PTGES3L: variants seen among roughly 807,000 people sequenced by gnomAD.
PTGES3L encodes the protein prostaglandin E synthase 3 like.
A neutral mutation model predicts 25.0 loss-of-function variants in PTGES3L; 17 were observed. The ratio of observed to expected loss-of-function variants is 0.68; its 90% CI spans 0.47 to 1.02. The LOEUF is 1.02. PTGES3L is among the 50% of genes least tolerant of loss of function. The pLI, the probability that PTGES3L is intolerant of heterozygous loss-of-function variation, is 0.00. For missense variants in PTGES3L, 202 were observed against 197.5 expected, an observed-to-expected ratio of 1.02 and a Z score of -0.14; for synonymous variants, 59 against 65.7, an observed-to-expected ratio of 0.90 and a Z score of 0.50.
chr17:42,971,709 G>A lies in PTGES3L; in HGVS notation c.289-13C>T. On this transcript the variant is annotated splice_polypyrimidine_tract_variant and intron_variant, in intron 4 of 6. Coordinates refer to ENST00000591916, the MANE Select transcript of PTGES3L (RefSeq NM_001261430.2). Reference sequence around the variant, plus strand: ...ACAGCCACACTGGCTGCAAGAAGAGGCACCAAGAGTCACAGGCCAGGAGGG... The same window carrying A: ...ACAGCCACACTGGCTGCAAGAAGAGACACCAAGAGTCACAGGCCAGGAGGG... 6.2e-7 allele frequency: 1 copy of A among 1,613,802 alleles called. No homozygotes were observed. The highest frequency in any genetic ancestry group is 2.2e-5 in the East Asian group (1 of 44,860).
Position 42,969,204 on chromosome 17 carries a change from A to AAG in PTGES3L, c.433-19_433-18insCT. The AAG allele has an allele frequency of 7.4e-7, 1 of 1,358,980 alleles. No individual in the cohort carries two copies. The highest frequency in any genetic ancestry group is 1.3e-5 in the South Asian group (1 of 79,012). The allele number at this position is 1,358,980 out of a possible 1,614,324, so 84.2% of individuals were successfully genotyped here. On this transcript the variant is annotated intron_variant, in intron 6 of 6. Transcript: ENST00000591916. ...GAATCATCCTGGGGGCGGGGGGGAA[A>AAG]AAAGACAAAGCACCTGTAGACCCTG...
intron 4 of PTGES3L, among the ~76,000 whole-genome samples, chr17:42,972,929 C>T (rs2049874412): frequency 6.7e-6 from 1 of 149,188 alleles, no homozygotes; most frequent in Admixed American, 6.7e-5. Context: ...GCGTCTCTGC[C>T]CGGCCACCCA....
chr17:42,976,953 A>C (rs2049965148), intron 4 of PTGES3L, among the ~76,000 whole-genome samples: 1 of 152,200 alleles, frequency 6.6e-6, no homozygotes, highest in Admixed American at 6.6e-5. Context: ...ATTAATATTT[A>C]AGAGGTCAGT....
intron 5 of PTGES3L, among the ~76,000 whole-genome samples, chr17:42,970,673 C>T (rs1419767766): frequency 3.5e-5 from 3 of 85,456 alleles, no homozygotes; most frequent in South Asian, 3.8e-4. Flanking sequence ...TGGCTTAACA[C>T]GCGCACACAC....
In PTGES3L at chr17:42,969,194, C is replaced by CT; in HGVS notation, c.433-9_433-8insA. 8.2e-6 allele frequency: 1 copy of CT among 122,548 alleles called. No individual in the cohort carries two copies. The highest frequency in any genetic ancestry group is 1.1e-5 in the Non-Finnish European group (1 of 90,278). 7.6% of individuals were successfully genotyped at this position (122,548 alleles called of 1,614,324 possible). ...AGCACTGTCAGAATCATCCTGGGGG[C>CT]GGGGGGGAAAAAAGACAAAGCACCT... On this transcript the variant is annotated splice_polypyrimidine_tract_variant and intron_variant, in intron 6 of 6. Transcript: ENST00000591916.
At chr17:42,971,726 C>G in intron 4 of PTGES3L, 30 bp from the exon 5 acceptor site, 1 of 1,612,520 alleles carries the variant, frequency 6.2e-7, no homozygotes, top group South Asian at 1.1e-5. Flanking sequence ...GAGTCACAGG[C>G]CAGGAGGGCA....
chr17:42,975,135 CA>C (rs11398866), intron 4 of PTGES3L, among the ~76,000 whole-genome samples: 7 of 97,048 alleles, frequency 7.2e-5, no homozygotes, highest in African/African-American at 8.2e-5. Context: ...CATCCTGTCT[CA>C]AAAAAAAAAA....
In PTGES3L at chr17:42,976,831, C is replaced by G. The variant is rs192544346; in HGVS notation, c.288+2339G>C. ...GGTCAAATGTGTGTTTTAGACAGAC[C>G]ATGCTGAGGGCAATGCAGAGAATGG... On this transcript the variant is annotated intron_variant, in intron 4 of 6. Transcript: ENST00000591916. Among the ~76,000 whole-genome samples, 53 of 152,274 alleles carry G rather than the reference C, an allele frequency of 3.5e-4. 1 individual carries two copies. The highest frequency in any genetic ancestry group is 2.2e-3 in the Admixed American group (34 of 15,274).
chr17:42,978,622 G>A (rs1351147715), intron 4 of PTGES3L, among the ~76,000 whole-genome samples: 1 of 152,160 alleles, frequency 6.6e-6, no homozygotes, highest in African/African-American at 2.4e-5. Context: ...CTGCATGACG[G>A]GTTGATAGAT....
intron 5 of PTGES3L, 52 bp from the exon 6 acceptor site, chr17:42,970,394 A>G (rs747668126): frequency 1.9e-6 from 3 of 1,603,320 alleles, no homozygotes; most frequent in African/African-American, 1.3e-5. Flanking sequence ...AGGAAGAACA[A>G]TCTGCACATT....
chr17:42,976,555 T>C (rs1295299763), intron 4 of PTGES3L, among the ~76,000 whole-genome samples: 1 of 152,132 alleles, frequency 6.6e-6, no homozygotes, highest in Non-Finnish European at 1.5e-5. Context: ...ATTTTTTGTA[T>C]TTTTAGTAGA....
chr17:42,979,497 AG>A, intron 2 of PTGES3L, 52 bp downstream of exon 2: 5 of 1,614,174 alleles, frequency 3.1e-6, no homozygotes, highest in Non-Finnish European at 4.2e-6. Flanking sequence ...TGGGGACATT[AG>A]GAAAGGGGTA....
At chr17:42,974,772 C>CAA (rs35782715) in intron 4 of PTGES3L, among the ~76,000 whole-genome samples, 20 of 120,130 alleles carry the variant, frequency 1.7e-4, no homozygotes, top group African/African-American at 5.9e-4. Context: ...GACTCTGTCT[C>CAA]AAAAAAAAAA....
At chr17:42,974,101 C>T (rs2049911351) in intron 4 of PTGES3L, among the ~76,000 whole-genome samples, 1 of 151,950 alleles carries the variant, frequency 6.6e-6, no homozygotes, top group Non-Finnish European at 1.5e-5. Flanking sequence ...CTCACACAAC[C>T]TGTAATCCCA....
At chr17:42,978,904 G>A (rs1328675175) in intron 4 of PTGES3L, among the ~76,000 whole-genome samples, 1 of 152,148 alleles carries the variant, frequency 6.6e-6, no homozygotes, top group East Asian at 1.9e-4. Flanking sequence ...GGAGGCTGAG[G>A]CAGGAGAATT....
intron 4 of PTGES3L, among the ~76,000 whole-genome samples, chr17:42,976,431 T>C (rs2049955949): frequency 6.6e-6 from 1 of 152,132 alleles, no homozygotes; most frequent in South Asian, 2.1e-4. Context: ...CAGGCTGGAA[T>C]GCAGTGGCAC....
chr17:42,977,461 G>A (rs1413702798), intron 4 of PTGES3L, among the ~76,000 whole-genome samples: 7 of 150,494 alleles, frequency 4.7e-5, no homozygotes, highest in East Asian at 3.9e-4. Flanking sequence ...AAAATTAGCC[G>A]GGCGTGGTGG....
rs2050036253 is a variant in PTGES3L, at chr17:42,979,590, C to T, written c.82G>A (p.Asp28Asn). The change falls in exon 2 of 7, where the codon GAT becomes AAT. Residue 28 changes from aspartate to asparagine, a missense_variant. Transcript: ENST00000591916. ...FMEFCVEDST[D>N]VHVLIEDHRI... The stretch of plus-strand genomic sequence containing the variant: ...TGATCCTCAATAAGCACGTGGACAT[C>T]GGTGCTGTCCTCAACACAAAACTCC... The T allele has an allele frequency of 6.2e-7, 1 of 1,614,004 alleles. No homozygotes were observed. The highest frequency in any genetic ancestry group is 1.7e-5 in the Admixed American group (1 of 59,978).
At position 42,971,896 on chromosome 17, in the gene PTGES3L, G is replaced by A. The variant is rs189287701; in HGVS notation, c.289-200C>T. 552 of 554,460 alleles carry A rather than the reference G, an allele frequency of 1.0e-3. 4 individuals are homozygous for A. The highest frequency in any genetic ancestry group is 9.2e-3 in the African/African-American group (486 of 52,788). The allele number at this position is 554,460 out of a possible 1,614,324, so 34.3% of individuals were successfully genotyped here. A position where few individuals can be genotyped will look rare whatever the true frequency, so the allele number is the denominator to read the frequency against. ...ATGATAGAGTCTGAAAATCTCAGAAGTCCTACCCTCCGGCCAGGCGTGGTG... is the reference window on the plus strand; with the variant it reads ...ATGATAGAGTCTGAAAATCTCAGAAATCCTACCCTCCGGCCAGGCGTGGTG... On this transcript the variant is annotated intron_variant, in intron 4 of 6. Transcript: ENST00000591916.
Sources: gnomAD v4.1 joint callset for allele counts (sites outside exome capture counted in the v4.1 genomes callset) on GRCh38, gnomAD v4.1.1 for gene constraint, MANE v1.5 for transcripts, NCBI Gene and HGNC (gene_info 2026-07-23, HGNC 2026-07-21) for gene names.